AP3S2: variants seen among roughly 807,000 people sequenced by gnomAD.
AP3S2 encodes the protein adaptor related protein complex 3 subunit sigma 2, also known as AP-3 complex subunit sigma-2.
A neutral mutation model predicts 23.4 loss-of-function variants in AP3S2; 22 were observed. The observed-to-expected ratio is 0.94, with a 90% CI of 0.67 to 1.34. The LOEUF is 1.34. Among genes scored for constraint, AP3S2 ranks in the 40% most tolerant of loss-of-function variants. AP3S2 has a pLI of 0.00. For missense variants in AP3S2, 241 were observed against 236.9 expected, an observed-to-expected ratio of 1.02 and a Z score of -0.11; for synonymous variants, 86 against 87.1, an observed-to-expected ratio of 0.99 and a Z score of 0.07.
intron 4 of AP3S2, among the ~76,000 whole-genome samples, chr15:89,867,371 C>T (rs982788157): frequency 5.9e-5 from 9 of 151,728 alleles, no homozygotes; most frequent in Middle Eastern, 3.4e-3. Flanking sequence ...ACAACCTACA[C>T]CTCCCAGCCG....
intron 4 of AP3S2, chr15:89,865,821 T>C (rs1296138208): frequency 6.6e-6 from 1 of 152,224 alleles, no homozygotes; most frequent in Non-Finnish European, 1.5e-5. Context: ...CCATCAGTCA[T>C]AGAATGGATA....
chr15:89,835,422 T>G lies in AP3S2; in HGVS notation c.*93A>C. The G allele has an allele frequency of 6.4e-7, 1 of 1,571,428 alleles. No individual in the cohort carries two copies. The highest frequency in any genetic ancestry group is 8.6e-7 in the Non-Finnish European group (1 of 1,158,308). Reference sequence around the variant, plus strand: ...TTTCCAGGTCCTGAGGCTTGACTCTTCTAAGGCTCAAAATGGGTTCTGTTT... The same window carrying G: ...TTTCCAGGTCCTGAGGCTTGACTCTGCTAAGGCTCAAAATGGGTTCTGTTT... On this transcript the variant is annotated 3_prime_UTR_variant, in exon 6 of 6. Transcript: ENST00000336418.
intron 3 of AP3S2, among the ~76,000 whole-genome samples, chr15:89,888,210 G>A (rs1896742622): frequency 6.6e-6 from 1 of 152,054 alleles, no homozygotes; most frequent in South Asian, 2.1e-4. Flanking sequence ...TCCCAAGCTA[G>A]GGTCCCTACA....
At chr15:89,889,777 C>T (rs1170562768) in intron 1 of AP3S2, among the ~76,000 whole-genome samples, 10 of 138,100 alleles carry the variant, frequency 7.2e-5, no homozygotes, top group Admixed American at 7.8e-5. Flanking sequence ...GGCAGGAGAA[C>T]TGCTTGAACC....
chr15:89,876,782 AAAAG>A (rs773538716), intron 3 of AP3S2: 3 of 153,372 alleles, frequency 2.0e-5, no homozygotes, highest in Non-Finnish European at 4.4e-5. Flanking sequence ...TTTTAAAAGA[AAAAG>A]AAATCATTGA....
At chr15:89,870,390 G>T (rs2141880309) in intron 4 of AP3S2, among the ~76,000 whole-genome samples, 1 of 152,300 alleles carries the variant, frequency 6.6e-6, no homozygotes, top group Middle Eastern at 3.4e-3. Context: ...CCAAAGTTAA[G>T]TATCTAAAGA....
chr15:89,892,238 G>A (rs1896836591), intron 1 of AP3S2, among the ~76,000 whole-genome samples: 1 of 152,212 alleles, frequency 6.6e-6, no homozygotes, highest in Non-Finnish European at 1.5e-5. Flanking sequence ...GGGGCTGGGA[G>A]AGTCATGGAG....
chr15:89,873,876 CTTTTTT>C (rs3055916), intron 3 of AP3S2, among the ~76,000 whole-genome samples: 192 of 76,898 alleles, frequency 2.5e-3, no homozygotes, highest in African/African-American at 9.6e-3. Flanking sequence ...TTCTCTGTGG[CTTTTTT>C]TTTTTTTTTT....
intron 4 of AP3S2, among the ~76,000 whole-genome samples, chr15:89,859,544 G>A (rs1214103293): frequency 1.3e-5 from 2 of 150,452 alleles, no homozygotes; most frequent in South Asian, 2.1e-4. Context: ...AAAGGTGCAC[G>A]CCACCACGCC....
chr15:89,845,626 A>T (rs940226227), intron 4 of AP3S2: 2 of 152,230 alleles, frequency 1.3e-5, no homozygotes, highest in African/African-American at 4.8e-5. Context: ...GACCTTGAGG[A>T]TGCCTGCAGA....
intron 3 of AP3S2, among the ~76,000 whole-genome samples, chr15:89,874,254 T>C (rs1269224536): frequency 2.0e-5 from 3 of 152,172 alleles, no homozygotes; most frequent in Non-Finnish European, 2.9e-5. Flanking sequence ...TGATAATCCT[T>C]TGTTTTTCAT....
At chr15:89,843,069 C>T (rs1895370327) in intron 4 of AP3S2, among the ~76,000 whole-genome samples, 1 of 151,050 alleles carries the variant, frequency 6.6e-6, no homozygotes. Context: ...ACCACAACCT[C>T]TGCCTCCCCG....
In AP3S2 at chr15:89,880,638, C is replaced by CA. The variant is rs1038596617; in HGVS notation, c.273+7882dup. ...GCAGTGAGCCGAGATTGCGCCACCG[C>CA]ACTCCAGCCTGGGCAACAGAGCAAG... On this transcript the variant is annotated intron_variant, in intron 3 of 5. Coordinates refer to ENST00000336418, the MANE Select transcript of AP3S2 (RefSeq NM_005829.5). Among the ~76,000 whole-genome samples the CA allele has an allele frequency of 4.1e-5, 6 of 147,500 alleles. No homozygotes were observed. The Admixed American group carries it at 4.1e-4, about 10-fold the overall frequency.
chr15:89,854,419 G>A (rs1895756068), intron 4 of AP3S2, among the ~76,000 whole-genome samples: 1 of 52,812 alleles, frequency 1.9e-5, no homozygotes, highest in African/African-American at 7.3e-5. Context: ...CGCCCGGCCA[G>A]CCGCCCCGTC....
intron 3 of AP3S2, among the ~76,000 whole-genome samples, chr15:89,885,568 C>T (rs1341806762): frequency 1.3e-5 from 2 of 152,052 alleles, no homozygotes; most frequent in Non-Finnish European, 2.9e-5. Flanking sequence ...ATATATCATC[C>T]CTTTAAAACA....
intron 4 of AP3S2, among the ~76,000 whole-genome samples, chr15:89,844,294 T>A (rs77021392): frequency 0.37 from 54,116 of 147,106 alleles, 12,007 homozygotes; most frequent in Non-Finnish European, 0.49. Flanking sequence ...TTTCTTTCTT[T>A]ACTTTTTTCT....
intron 2 of AP3S2, 95 bp downstream of exon 2, chr15:89,888,954 G>T: frequency 6.9e-7 from 1 of 1,457,806 alleles, no homozygotes; most frequent in Non-Finnish European, 9.5e-7. Flanking sequence ...GTTGCATCAA[G>T]TACCCACCTG....
intron 4 of AP3S2, among the ~76,000 whole-genome samples, chr15:89,849,853 T>TTG (rs1380320368): frequency 6.6e-6 from 1 of 151,762 alleles, no homozygotes; most frequent in Non-Finnish European, 1.5e-5. Context: ...AGAGGTGCTG[T>TTG]TGTGTGATGG....
intron 3 of AP3S2, chr15:89,877,380 T>C (rs770832996): frequency 1.5e-6 from 2 of 1,291,932 alleles, no homozygotes; most frequent in South Asian, 1.2e-5. Context: ...GTGTTCCAGT[T>C]TGTAGGGTGT....
Sources: allele counts gnomAD v4.1 joint callset (sites outside exome capture counted in the v4.1 genomes callset), GRCh38; gene constraint gnomAD v4.1.1; transcripts MANE v1.5; gene names NCBI Gene and HGNC (gene_info 2026-07-23, HGNC 2026-07-21).